Variants in ME2 observed in about 807,000 individuals in gnomAD.
ME2 encodes the protein malic enzyme 2.
ME2 carries 60 observed loss-of-function variants against 73.7 expected under a neutral mutation model. That is an observed-to-expected ratio of 0.81 (90% confidence interval 0.66 to 1.01). ME2 has a LOEUF of 1.01. Ranked by LOEUF, ME2 falls within the 50% of genes least tolerant of loss-of-function variation. The pLI is 0.00. For missense variants in ME2, 594 were observed against 705.5 expected (o/e 0.84, Z 1.79); for synonymous variants, 199 against 236.9 (o/e 0.84, Z 1.47).
rs549715606 is a variant in ME2 at position 50,923,298 on chromosome 18, T to C, written c.1057-800T>C. 4.2e-4 allele frequency among the ~76,000 whole-genome samples: 63 copies of C among 151,632 alleles called. 1 individual carries two copies. The highest frequency in any genetic ancestry group is 7.2e-4 in the Non-Finnish European group (49 of 67,680). On this transcript the variant is annotated intron_variant, in intron 10 of 15. Transcript: ENST00000321341. ...GTGACCAATCTGATTGCCTTGAATT[T>C]ACCTAGAAGCGAAACCTGACTCAAA...
rs932932891 is a variant in ME2, at chr18:50,951,903, A to G, written c.*4719A>G. The G allele has an allele frequency of 2.3e-5, 3 of 129,262 alleles. No homozygotes were observed. The highest frequency in any genetic ancestry group is 8.8e-5 in the African/African-American group (3 of 34,234). 8.0% of individuals were successfully genotyped at this position (129,262 alleles called of 1,614,324 possible). On this transcript the variant is annotated 3_prime_UTR_variant, in exon 16 of 16. Transcript: ENST00000321341. The stretch of plus-strand genomic sequence containing the variant: ...AAAAAAAAAAAAAAAAAAAAAAAAA[A>G]TCTCCAGGGTTCTGTTGAATTCACC...
At chr18:50,880,769 G>T (rs182942960) in intron 1 of ME2, among the ~76,000 whole-genome samples, 136 of 152,294 alleles carry the variant, frequency 8.9e-4, no homozygotes, top group African/African-American at 3.0e-3. Context: ...CTATGCTTCT[G>T]TAGAAATATT....
intron 1 of ME2, among the ~76,000 whole-genome samples, chr18:50,887,246 A>T (rs1056643407): frequency 1.3e-5 from 2 of 152,196 alleles, no homozygotes; most frequent in African/African-American, 4.8e-5. Flanking sequence ...AAACACAGAG[A>T]TGGTAAGTAA....
intron 15 of ME2, 76 bp downstream of exon 15, chr18:50,940,462 T>A: frequency 9.7e-7 from 1 of 1,026,170 alleles, no homozygotes; most frequent in South Asian, 1.5e-5. Context: ...TTTATTAAGA[T>A]AAATCTGAAA....
intron 11 of ME2, 129 bp downstream of exon 11, chr18:50,924,341 T>C (rs1158821738): frequency 8.0e-6 from 5 of 622,186 alleles, no homozygotes; most frequent in Non-Finnish European, 1.4e-5. Context: ...ATGTTTTCTG[T>C]GATAACTTTT....
chr18:50,934,762 GA>G (rs1413112761), intron 13 of ME2: 1 of 152,120 alleles, frequency 6.6e-6, no homozygotes, highest in Admixed American at 6.5e-5. Flanking sequence ...ATATTTGAAT[GA>G]CCTAGTTGAG....
intron 15 of ME2, among the ~76,000 whole-genome samples, chr18:50,944,260 G>A (rs908616256): frequency 6.6e-6 from 1 of 152,100 alleles, no homozygotes; most frequent in Non-Finnish European, 1.5e-5. Context: ...CCAAATGAGA[G>A]GTAGTACATG....
At chr18:50,931,382 T>G (rs1917685522) in intron 12 of ME2, among the ~76,000 whole-genome samples, 1 of 152,210 alleles carries the variant, frequency 6.6e-6, no homozygotes, top group Non-Finnish European at 1.5e-5. Context: ...AGATTAAGAT[T>G]TAACTACTAC....
chr18:50,937,346 G>A (rs1166132844), intron 13 of ME2, among the ~76,000 whole-genome samples: 3 of 152,178 alleles, frequency 2.0e-5, no homozygotes, highest in African/African-American at 7.2e-5. Context: ...TCTAGGCTGG[G>A]AGACACCAGA....
At chr18:50,918,521 C>T (rs1917341827) in intron 7 of ME2, among the ~76,000 whole-genome samples, 1 of 152,122 alleles carries the variant, frequency 6.6e-6, no homozygotes, top group South Asian at 2.1e-4. Flanking sequence ...CTCACGCCCA[C>T]CATTCCACTG....
intron 2 of ME2, among the ~76,000 whole-genome samples, chr18:50,900,800 C>T (rs1916871134): frequency 6.6e-6 from 1 of 152,084 alleles, no homozygotes; most frequent in Non-Finnish European, 1.5e-5. Flanking sequence ...GGACTTCCCC[C>T]TTCGCTCAGC....
intron 2 of ME2, among the ~76,000 whole-genome samples, chr18:50,904,194 G>A (rs78852115): frequency 0.02 from 3,073 of 151,858 alleles, 95 homozygotes; most frequent in African/African-American, 0.07. Context: ...CAATTTGTGT[G>A]GTATATCTTT....
chr18:50,898,676 G>T (rs71357263), intron 2 of ME2, among the ~76,000 whole-genome samples: 1 of 152,110 alleles, frequency 6.6e-6, no homozygotes, highest in South Asian at 2.1e-4. Context: ...CAGGTGATCC[G>T]CCTGCCTTGG....
intron 1 of ME2, among the ~76,000 whole-genome samples, chr18:50,881,677 A>C (rs1370669815): frequency 1.3e-5 from 2 of 152,238 alleles, no homozygotes; most frequent in Non-Finnish European, 2.9e-5. Context: ...AATGTTAATC[A>C]TGATTATCCT....
chr18:50,888,642 A>T (rs1057350428), intron 1 of ME2, among the ~76,000 whole-genome samples: 1 of 152,180 alleles, frequency 6.6e-6, no homozygotes, highest in African/African-American at 2.4e-5. Context: ...TTGTGATTCA[A>T]GGAAAATCTA....
At chr18:50,881,744 C>T (rs1916329362) in intron 1 of ME2, among the ~76,000 whole-genome samples, 1 of 152,130 alleles carries the variant, frequency 6.6e-6, no homozygotes, top group African/African-American at 2.4e-5. Flanking sequence ...AACAAGCAGG[C>T]ATTTAGAAGG....
chr18:50,939,455 G>T, intron 13 of ME2, 115 bp from the exon 14 acceptor site: 1 of 616,650 alleles, frequency 1.6e-6, no homozygotes, highest in Non-Finnish European at 2.9e-6. Context: ...TTTTCTGTTT[G>T]GGGGGAGCTG....
chr18:50,919,337 C>T (rs1041863502), intron 7 of ME2, among the ~76,000 whole-genome samples: 1 of 152,156 alleles, frequency 6.6e-6, no homozygotes, highest in Non-Finnish European at 1.5e-5. Flanking sequence ...CTAACCCTGG[C>T]CTACCTTTAA....
At chr18:50,942,623 G>T in intron 15 of ME2, 1 of 261,422 alleles carries the variant, frequency 3.8e-6, no homozygotes, top group South Asian at 1.6e-4. Flanking sequence ...TTCTTCATCT[G>T]AATATGGCAT....
Sources: gnomAD v4.1 joint callset for allele counts (sites outside exome capture counted in the v4.1 genomes callset) on GRCh38, gnomAD v4.1.1 for gene constraint, MANE v1.5 for transcripts, NCBI Gene and HGNC (gene_info 2026-07-23, HGNC 2026-07-21) for gene names.